Variants in GOLM2 observed in about 807,000 individuals in gnomAD.
GOLM2 encodes the protein golgi membrane protein 2.
GOLM2 carries 26 observed loss-of-function variants against 55.9 expected under a neutral mutation model. The observed-to-expected ratio is 0.47, with a 90% CI of 0.34 to 0.65. GOLM2 has a LOEUF of 0.65. Among genes scored for constraint, GOLM2 ranks in the 30% least tolerant of loss-of-function variants. The probability of loss-of-function intolerance (pLI) is 0.01; values close to 1 mark genes in which losing one functional copy is unlikely to be tolerated. For missense variants in GOLM2, 486 were observed against 531.8 expected, an observed-to-expected ratio of 0.91 and a Z score of 0.85; for synonymous variants, 165 against 194.6, an observed-to-expected ratio of 0.85 and a Z score of 1.27.
rs1471397274 is a variant in GOLM2 at position 44,359,414 on chromosome 15, C to T, written c.803-20276C>T. Among the ~76,000 whole-genome samples, 43 of 151,934 alleles carry T rather than the reference C, an allele frequency of 2.8e-4. 1 individual carries two copies. Among genetic ancestry groups the T allele is most frequent in the South Asian group, 1.2e-3 (6 of 4,806 alleles). On this transcript the variant is annotated intron_variant, in intron 6 of 9. Transcript: ENST00000299957. Reference sequence around the variant, plus strand: ...CATCCTGGCCAACACAGTGAAACCCCGTCTCTACTAAAAATACAAAAAAAT... The same window carrying T: ...CATCCTGGCCAACACAGTGAAACCCTGTCTCTACTAAAAATACAAAAAAAT...
rs2078708426 is a variant in GOLM2 at position 44,289,938 on chromosome 15, G to A, written c.327+582G>A. On this transcript the variant is annotated intron_variant, in intron 1 of 9. Coordinates refer to ENST00000299957, the MANE Select transcript of GOLM2 (RefSeq NM_138423.4). The surrounding 1 kb of genome is among the most constrained non-coding windows in gnomAD (Gnocchi z 4.8). Reference sequence around the variant, plus strand: ...AGATGGGCCCTCGAGCTATATGTGAGACACACTTGTGTCTTGGACATAGTT... The same window carrying A: ...AGATGGGCCCTCGAGCTATATGTGAAACACACTTGTGTCTTGGACATAGTT... 6.6e-6 allele frequency among the ~76,000 whole-genome samples: 1 copy of A among 152,146 alleles called. No individual in the cohort carries two copies. The highest frequency in any genetic ancestry group is 2.4e-5 in the African/African-American group (1 of 41,426).
At chr15:44,346,465 C>T (rs1175778157) in intron 6 of GOLM2, among the ~76,000 whole-genome samples, 4 of 152,144 alleles carry the variant, frequency 2.6e-5, no homozygotes, top group African/African-American at 7.2e-5. Context: ...GACAGATTCT[C>T]TAGATCTATA....
intron 8 of GOLM2, among the ~76,000 whole-genome samples, chr15:44,387,653 T>G (rs1261334962): frequency 1.3e-5 from 2 of 151,940 alleles, no homozygotes; most frequent in African/African-American, 4.8e-5. Flanking sequence ...TCCCAGCTAC[T>G]TGGGAGGCTG....
chr15:44,340,505 G>A (rs1031580236), intron 6 of GOLM2, among the ~76,000 whole-genome samples: 2 of 152,270 alleles, frequency 1.3e-5, no homozygotes, highest in South Asian at 4.1e-4. Context: ...CGATAGTCCC[G>A]CCTCAGCCTC....
At chr15:44,350,283 AAGG>A (rs1219588836) in intron 6 of GOLM2, among the ~76,000 whole-genome samples, 2 of 152,150 alleles carry the variant, frequency 1.3e-5, no homozygotes, top group Non-Finnish European at 2.9e-5. Flanking sequence ...AGAAATGAAA[AAGG>A]AGATATTGCA....
chr15:44,344,063 C>T lies in GOLM2; in HGVS notation c.802+5746C>T, dbSNP rs530669189. Among the ~76,000 whole-genome samples, 7 of 151,494 alleles carry T rather than the reference C, an allele frequency of 4.6e-5. No individual in the cohort carries two copies. The East Asian group carries it at 1.2e-3, about 25-fold the overall frequency. On this transcript the variant is annotated intron_variant, in intron 6 of 9. Coordinates refer to ENST00000299957, the MANE Select transcript of GOLM2 (RefSeq NM_138423.4). ...TCGCTTGAACCCAGGAGTTTGAGACCAGCCTGAGCAACATGATGAAACCCT... is the reference window on the plus strand; with the variant it reads ...TCGCTTGAACCCAGGAGTTTGAGACTAGCCTGAGCAACATGATGAAACCCT...
At chr15:44,353,795 G>A (rs2079180193) in intron 6 of GOLM2, among the ~76,000 whole-genome samples, 1 of 152,126 alleles carries the variant, frequency 6.6e-6, no homozygotes, top group South Asian at 2.1e-4. Flanking sequence ...AGCTTATTGG[G>A]GAAGGGTAAG....
chr15:44,369,598 C>T (rs1198107513), intron 6 of GOLM2, among the ~76,000 whole-genome samples: 3 of 151,004 alleles, frequency 2.0e-5, no homozygotes, highest in Admixed American at 6.7e-5. Flanking sequence ...CCAAGGCGGG[C>T]GGATCGAGAG....
intron 6 of GOLM2, among the ~76,000 whole-genome samples, chr15:44,375,054 A>AT (rs1179301889): frequency 6.6e-6 from 1 of 151,962 alleles, no homozygotes; most frequent in Non-Finnish European, 1.5e-5. Context: ...GTCTCCCTCC[A>AT]TTGCCCAGGC....
intron 6 of GOLM2, among the ~76,000 whole-genome samples, chr15:44,366,844 C>T (rs2079289434): frequency 6.6e-6 from 1 of 151,814 alleles, no homozygotes; most frequent in Non-Finnish European, 1.5e-5. Context: ...TTCTGGGCAA[C>T]AGAACAAGAC....
chr15:44,362,756 C>G lies in GOLM2; in HGVS notation c.803-16934C>G, dbSNP rs1355992217. ...CCAAGTCAATCCTAAGCCAAAAGAACAAAGCTAGAGGCATCATGCTACCTG... is the reference window on the plus strand; with the variant it reads ...CCAAGTCAATCCTAAGCCAAAAGAAGAAAGCTAGAGGCATCATGCTACCTG... On this transcript the variant is annotated intron_variant, in intron 6 of 9. Coordinates refer to ENST00000299957, the MANE Select transcript of GOLM2 (RefSeq NM_138423.4). 2.6e-5 allele frequency among the ~76,000 whole-genome samples: 4 copies of G among 152,276 alleles called. No individual in the cohort carries two copies. The East Asian group carries it at 5.8e-4, about 22-fold the overall frequency.
chr15:44,333,142 C>A (rs1054334366), intron 4 of GOLM2, among the ~76,000 whole-genome samples: 4 of 152,108 alleles, frequency 2.6e-5, no homozygotes, highest in African/African-American at 9.7e-5. Context: ...CCATGTTAGC[C>A]AGGATGGTCT....
intron 6 of GOLM2, among the ~76,000 whole-genome samples, chr15:44,366,627 C>A (rs2079287445): frequency 6.6e-6 from 1 of 152,082 alleles, no homozygotes; most frequent in African/African-American, 2.4e-5. Context: ...GAACGCGACC[C>A]TGTCTCAAAA....
chr15:44,303,717 C>T (rs959946312), intron 1 of GOLM2, among the ~76,000 whole-genome samples: 4 of 151,692 alleles, frequency 2.6e-5, no homozygotes, highest in African/African-American at 9.7e-5. Flanking sequence ...AAACTTGTGC[C>T]ATCACACCTG....
rs1198773866 is a variant in GOLM2, at chr15:44,414,024, A to T, written c.*618A>T. 1 of 152,144 alleles carries T rather than the reference A, an allele frequency of 6.6e-6. No homozygotes were observed. The highest frequency in any genetic ancestry group is 1.5e-5 in the Non-Finnish European group (1 of 68,040). The allele number at this position is 152,144 out of a possible 1,614,324, so 9.4% of individuals were successfully genotyped here. A position where few individuals can be genotyped will look rare whatever the true frequency, so the allele number is the denominator to read the frequency against. ...GCTAATAATTGTATATTTAATAAAGACGGGTTTCACCATGTTGGCCAGGCT... is the reference window on the plus strand; with the variant it reads ...GCTAATAATTGTATATTTAATAAAGTCGGGTTTCACCATGTTGGCCAGGCT... On this transcript the variant is annotated 3_prime_UTR_variant, in exon 10 of 10. Transcript: ENST00000299957.
intron 8 of GOLM2, among the ~76,000 whole-genome samples, chr15:44,400,160 T>C (rs2079555190): frequency 6.6e-6 from 1 of 152,074 alleles, no homozygotes; most frequent in African/African-American, 2.4e-5. Context: ...ATGTTTCTTT[T>C]CTCTAACTCT....
chr15:44,323,078 G>T, intron 2 of GOLM2, 59 bp downstream of exon 2: 1 of 1,112,346 alleles, frequency 9.0e-7, no homozygotes. Flanking sequence ...CTAAAATTGT[G>T]AAGAATTAAG....
chr15:44,376,071 T>C (rs2079362599), intron 6 of GOLM2, among the ~76,000 whole-genome samples: 1 of 152,226 alleles, frequency 6.6e-6, no homozygotes, highest in South Asian at 2.1e-4. Flanking sequence ...ACCCCATCTC[T>C]ACTAAAAATA....
intron 6 of GOLM2, among the ~76,000 whole-genome samples, chr15:44,352,608 A>G (rs2079171919): frequency 6.6e-6 from 1 of 152,138 alleles, no homozygotes. Flanking sequence ...CAACAGAGGA[A>G]ACAATCAGAA....
Sources: allele counts gnomAD v4.1 joint callset (sites outside exome capture counted in the v4.1 genomes callset), GRCh38; gene constraint gnomAD v4.1.1; non-coding constraint Gnocchi (gnomAD v3.1); transcripts MANE v1.5; gene names NCBI Gene and HGNC (gene_info 2026-07-23, HGNC 2026-07-21).